COL22A1: variants seen among roughly 807,000 people sequenced by gnomAD.
The protein encoded by COL22A1 is collagen type XXII alpha 1 chain.
COL22A1 carries 221 observed loss-of-function variants against 248.9 expected under a neutral mutation model. The observed-to-expected ratio is 0.89, with a 90% CI of 0.80 to 0.99. The LOEUF (loss-of-function observed/expected upper bound fraction) is 0.99. Ranked by LOEUF, COL22A1 falls within the 50% of genes least tolerant of loss-of-function variation. The pLI, the probability that COL22A1 is intolerant of heterozygous loss-of-function variation, is 0.00. For missense variants in COL22A1, 2,240 were observed against 2,179.0 expected (o/e 1.03, Z -0.56); for synonymous variants, 891 against 793.4 (o/e 1.12, Z -2.07).
At chr8:138,897,703 A>G (rs1444481446) in intron 1 of COL22A1, among the ~76,000 whole-genome samples, 9 of 152,086 alleles carry the variant, frequency 5.9e-5, no homozygotes, top group Non-Finnish European at 1.3e-4. Flanking sequence ...GAAGAAATTG[A>G]TGAATGATTT....
intron 46 of COL22A1, among the ~76,000 whole-genome samples, chr8:138,648,291 G>A (rs924278055): frequency 2.0e-4 from 30 of 152,270 alleles, no homozygotes; most frequent in African/African-American, 6.7e-4. Context: ...ATGCCCACGG[G>A]GTCTATGCTC....
At chr8:138,775,677 A>C (rs757015178) in intron 16 of COL22A1, among the ~76,000 whole-genome samples, 3 of 152,190 alleles carry the variant, frequency 2.0e-5, no homozygotes, top group Non-Finnish European at 4.4e-5. Context: ...TCTGGTCTGG[A>C]AACCCTAAAC....
At chr8:138,760,879 C>T (rs962404245) in intron 17 of COL22A1, among the ~76,000 whole-genome samples, 3 of 152,158 alleles carry the variant, frequency 2.0e-5, no homozygotes, top group African/African-American at 7.2e-5. Context: ...CCTGCAGGAG[C>T]AGGGCGTGGG....
In COL22A1 at chr8:138,813,039, G is replaced by C. The variant is rs1422182441; in HGVS notation, c.1246-20C>G. On this transcript the variant is annotated intron_variant, in intron 7 of 64. Coordinates refer to ENST00000303045, the MANE Select transcript of COL22A1 (RefSeq NM_152888.3). ...GTCAAACTGGAAAGGAAAGCAAGGAGAGAGGATAAGTTTTAGGGACTTTGG... is the reference window on the plus strand; with the variant it reads ...GTCAAACTGGAAAGGAAAGCAAGGACAGAGGATAAGTTTTAGGGACTTTGG... The C allele has an allele frequency of 1.2e-6, 2 of 1,603,580 alleles. No individual in the cohort carries two copies. The highest frequency in any genetic ancestry group is 3.3e-5 in the Admixed American group (2 of 59,994).
chr8:138,662,428 T>C (rs913334173), intron 42 of COL22A1, among the ~76,000 whole-genome samples: 2 of 152,164 alleles, frequency 1.3e-5, no homozygotes, highest in South Asian at 4.1e-4. Context: ...GTCCTATGGA[T>C]AACCAGCCCC....
At position 138,594,029 on chromosome 8, in the gene COL22A1, T is replaced by C. The variant is rs1330769469; in HGVS notation, c.4603A>G (p.Ile1535Val). Reference protein sequence around the residue: ...QGGLEGPSGPIGPKGERGAKG... With the variant: ...QGGLEGPSGPVGPKGERGAKG... Reference sequence around the variant, plus strand: ...GGTCTTCACTCACCTTTGGGACCTATGGGTCCAGAGGGTCCTTCCAGACCC... The same window carrying C: ...GGTCTTCACTCACCTTTGGGACCTACGGGTCCAGAGGGTCCTTCCAGACCC... Residue 1535 changes from isoleucine to valine, a missense_variant, in exon 63 of 65, where the codon ATA (isoleucine) becomes GTA (valine). Transcript: ENST00000303045. 6.4e-7 allele frequency: 1 copy of C among 1,571,798 alleles called. No individual in the cohort carries two copies. The highest frequency in any genetic ancestry group is 2.1e-5 in the Admixed American group (1 of 48,614).
At chr8:138,630,473 A>G (rs1034060722) in intron 50 of COL22A1, among the ~76,000 whole-genome samples, 6 of 152,208 alleles carry the variant, frequency 3.9e-5, no homozygotes, top group African/African-American at 1.4e-4. Context: ...ACAGATCTTC[A>G]TATCATTCCA....
chr8:138,656,003 G>A (rs998359854), intron 44 of COL22A1, 59 bp from the exon 45 acceptor site: 7 of 1,390,576 alleles, frequency 5.0e-6, no homozygotes, highest in African/African-American at 1.4e-5. Flanking sequence ...TAAATCCCAG[G>A]CATCTTCAGA....
rs1173353118 is a variant in COL22A1, at chr8:138,664,209, GCACACACACACACACA to G, written c.3151-485_3151-470del. Reference sequence around the variant, plus strand: ...CAACAAGGGGTGCGCGCGCGCGCGCGCACACACACACACACACACACACACACACACACACACACAC... The same window carrying G: ...CAACAAGGGGTGCGCGCGCGCGCGCGCACACACACACACACACACACACAC... On this transcript the variant is annotated intron_variant, in intron 41 of 64. Coordinates refer to ENST00000303045, the MANE Select transcript of COL22A1 (RefSeq NM_152888.3). Among the ~76,000 whole-genome samples the G allele has an allele frequency of 2.4e-3, 244 of 103,204 alleles. 2 individuals are homozygous for G. Among genetic ancestry groups the G allele is most frequent in the Non-Finnish European group, 3.2e-3 (169 of 52,772 alleles). The allele number at this position is 103,204 out of a possible 152,430, so 67.7% of individuals were successfully genotyped here.
intron 12 of COL22A1, among the ~76,000 whole-genome samples, chr8:138,793,986 C>T (rs747800346): frequency 3.3e-5 from 5 of 152,312 alleles, no homozygotes; most frequent in South Asian, 4.1e-4. Flanking sequence ...TTCTGACCTC[C>T]GGACCCCGGA....
intron 3 of COL22A1, among the ~76,000 whole-genome samples, chr8:138,868,038 C>T (rs565119631): frequency 2.6e-5 from 4 of 152,312 alleles, no homozygotes; most frequent in Admixed American, 2.0e-4. Context: ...GCTGGGATTA[C>T]AGGCATGAGC....
chr8:138,772,890 A>G (rs1233845902), intron 16 of COL22A1, among the ~76,000 whole-genome samples: 1 of 152,006 alleles, frequency 6.6e-6, no homozygotes, highest in Non-Finnish European at 1.5e-5. Flanking sequence ...AACAACAACA[A>G]AAAACCCATA....
intron 11 of COL22A1, among the ~76,000 whole-genome samples, chr8:138,799,988 C>T (rs185562656): frequency 1.2e-4 from 18 of 152,360 alleles, no homozygotes; most frequent in Admixed American, 1.2e-3. Flanking sequence ...AACTCTTACA[C>T]TTATACTTCT....
Position 138,693,685 on chromosome 8 carries a change from C to T in COL22A1, c.2715G>A (p.Gln905=). Residue 905 remains glutamine, a synonymous_variant, in exon 35 of 65, where the codon CAG becomes CAA. Transcript: ENST00000303045. Reference sequence around the variant, plus strand: ...CTCCAGGAGCCCCATGTGCACCTTCCTGTCCCTTGGCACCCTGCACAGGAA... The same window carrying T: ...CTCCAGGAGCCCCATGTGCACCTTCTTGTCCCTTGGCACCCTGCACAGGAA... ...GPTGPPGAKG[Q]EGAHGAPGAA... 1 of 1,580,010 alleles carries T rather than the reference C, an allele frequency of 6.3e-7. No individual in the cohort carries two copies. Among genetic ancestry groups the T allele is most frequent in the Non-Finnish European group, 8.6e-7 (1 of 1,162,564 alleles).
At chr8:138,842,595 G>A (rs569440397) in intron 4 of COL22A1, among the ~76,000 whole-genome samples, 6 of 152,334 alleles carry the variant, frequency 3.9e-5, no homozygotes, top group South Asian at 2.1e-4. Flanking sequence ...TGGGAATGTT[G>A]AAGTGAAACT....
chr8:138,709,636 G>T (rs192010267), intron 30 of COL22A1, among the ~76,000 whole-genome samples: 91 of 117,166 alleles, frequency 7.8e-4, no homozygotes, highest in Non-Finnish European at 1.1e-3. Flanking sequence ...GGGGCCTGTA[G>T]TAGGGTGGGG....
At chr8:138,703,515 A>G (rs372381465) in intron 30 of COL22A1, among the ~76,000 whole-genome samples, 168 bp from the exon 31 acceptor site, 1 of 152,186 alleles carries the variant, frequency 6.6e-6, no homozygotes, top group East Asian at 1.9e-4. Context: ...TACATACATA[A>G]TTACATATGT....
At chr8:138,713,249 G>A (rs1027138372) in intron 30 of COL22A1, among the ~76,000 whole-genome samples, 1 of 152,096 alleles carries the variant, frequency 6.6e-6, no homozygotes, top group Non-Finnish European at 1.5e-5. Context: ...TGGGGTGGGG[G>A]GGCGGTGCTT....
At chr8:138,685,673 A>G (rs907152935) in intron 37 of COL22A1, among the ~76,000 whole-genome samples, 2 of 152,174 alleles carry the variant, frequency 1.3e-5, no homozygotes, top group African/African-American at 4.8e-5. Context: ...GAGGACACAA[A>G]TACACAGGGA....
Sources: gnomAD v4.1 joint callset for allele counts (sites outside exome capture counted in the v4.1 genomes callset) on GRCh38, gnomAD v4.1.1 for gene constraint, MANE v1.5 for transcripts, NCBI Gene and HGNC (gene_info 2026-07-23, HGNC 2026-07-21) for gene names.